The following ZMAT4 variants were observed in gnomAD, a reference collection of about 807,000 sequenced individuals.
ZMAT4 encodes zinc finger matrin-type 4, also known as zinc finger matrin-type protein 4.
Under a neutral mutation model 28.7 loss-of-function variants are expected in ZMAT4, and 17 were observed. That is an observed-to-expected ratio of 0.59 (90% CI 0.41 to 0.89). ZMAT4 has a LOEUF of 0.89. ZMAT4 is among the 40% of genes least tolerant of loss of function. The pLI is 0.00. For missense variants in ZMAT4, 240 were observed against 283.8 expected (o/e 0.85, Z 1.11); for synonymous variants, 117 against 109.2 (o/e 1.07, Z -0.44).
chr8:40,894,467 G>T (rs768820430), intron 1 of ZMAT4, among the ~76,000 whole-genome samples: 1 of 152,076 alleles, frequency 6.6e-6, no homozygotes, highest in Non-Finnish European at 1.5e-5. Context: ...AGGAAAGAGA[G>T]GTAACCCTAC....
At chr8:40,724,814 G>A (rs552439916) in intron 3 of ZMAT4, among the ~76,000 whole-genome samples, 39 of 152,282 alleles carry the variant, frequency 2.6e-4, no homozygotes, top group African/African-American at 9.4e-4. Context: ...GCATCATCTG[G>A]AAAAGGGAAA....
At chr8:40,581,432 G>A (rs1804462279) in intron 5 of ZMAT4, among the ~76,000 whole-genome samples, 171 bp from the exon 6 acceptor site, 2 of 152,164 alleles carry the variant, frequency 1.3e-5, no homozygotes, top group Admixed American at 6.5e-5. Context: ...CTTAGCAGAA[G>A]TGTAATTATG....
At chr8:40,755,427 T>C (rs552864779) in intron 3 of ZMAT4, among the ~76,000 whole-genome samples, 80 of 152,316 alleles carry the variant, frequency 5.3e-4, no homozygotes, top group African/African-American at 1.7e-3. Flanking sequence ...AATAAGATTT[T>C]CTATTTATGA....
chr8:40,885,267 G>A (rs1209534164), intron 1 of ZMAT4, among the ~76,000 whole-genome samples: 1 of 152,068 alleles, frequency 6.6e-6, no homozygotes, highest in Non-Finnish European at 1.5e-5. Context: ...CAAAAGCCTT[G>A]GAATCATCCT....
chr8:40,610,919 C>A (rs1427315637), intron 5 of ZMAT4, among the ~76,000 whole-genome samples: 1 of 133,494 alleles, frequency 7.5e-6, no homozygotes. Context: ...GACTTAAAAA[C>A]CAGATTTGCC....
At chr8:40,865,401 G>A (rs936620250) in intron 1 of ZMAT4, among the ~76,000 whole-genome samples, 3 of 152,208 alleles carry the variant, frequency 2.0e-5, no homozygotes, top group Non-Finnish European at 4.4e-5. Flanking sequence ...GTGCTAGGCC[G>A]TGCAGATCTG....
At chr8:40,554,389 GTTAA>G (rs979882131) in intron 6 of ZMAT4, among the ~76,000 whole-genome samples, 4 of 151,820 alleles carry the variant, frequency 2.6e-5, no homozygotes, top group African/African-American at 9.7e-5. Flanking sequence ...CTACTAATTG[GTTAA>G]TTAACTAAGT....
chr8:40,721,633 A>G (rs1468508301), intron 3 of ZMAT4, among the ~76,000 whole-genome samples: 2 of 149,600 alleles, frequency 1.3e-5, no homozygotes, highest in Non-Finnish European at 3.0e-5. Context: ...CATCCTCTCC[A>G]GCACCTGTTG....
intron 6 of ZMAT4, among the ~76,000 whole-genome samples, chr8:40,565,377 C>CTT (rs66960843): frequency 1.5e-4 from 12 of 78,570 alleles, no homozygotes; most frequent in African/African-American, 2.3e-4. Flanking sequence ...GTGCCACCAT[C>CTT]TTTTTTTTTT....
chr8:40,878,237 G>T (rs1818105321), intron 1 of ZMAT4, among the ~76,000 whole-genome samples: 2 of 152,130 alleles, frequency 1.3e-5, no homozygotes, highest in African/African-American at 4.8e-5. Flanking sequence ...ATTTCAGAAG[G>T]GGCAAAGTTA....
At chr8:40,671,469 A>G (rs1037471477) in intron 5 of ZMAT4, among the ~76,000 whole-genome samples, 1 of 152,220 alleles carries the variant, frequency 6.6e-6, no homozygotes, top group African/African-American at 2.4e-5. Flanking sequence ...TGTGTATAGA[A>G]TACTACTCAG....
intron 1 of ZMAT4, among the ~76,000 whole-genome samples, chr8:40,837,897 T>C (rs932315226): frequency 3.3e-5 from 5 of 152,202 alleles, no homozygotes; most frequent in African/African-American, 1.2e-4. Context: ...GTCTGCTCTG[T>C]TTCTCTCTGG....
intron 6 of ZMAT4, among the ~76,000 whole-genome samples, chr8:40,538,799 T>G (rs1802930343): frequency 6.6e-6 from 1 of 152,180 alleles, no homozygotes; most frequent in African/African-American, 2.4e-5. Context: ...TTTTTGTTTT[T>G]TGAGACAGAG....
Position 40,587,305 on chromosome 8 carries a change from C to A in ZMAT4, c.578-6044G>T, listed in dbSNP as rs558917588. On this transcript the variant is annotated intron_variant, in intron 5 of 6. Coordinates refer to ENST00000297737, the MANE Select transcript of ZMAT4 (RefSeq NM_024645.3). ...GTCTTCTGGTGGAGGGGAAATGCAA[C>A]CAGACTCAGACTATGGGGAAAAAAA... Among the ~76,000 whole-genome samples the A allele has an allele frequency of 1.7e-3, 256 of 151,962 alleles. 2 individuals are homozygous for A. Among genetic ancestry groups the A allele is most frequent in the African/African-American group, 5.9e-3 (243 of 41,444 alleles).
rs183555085 is a variant in ZMAT4 at position 40,609,546 on chromosome 8, G to A, written c.578-28285C>T. ...CTCTCCATTTTCTCCCTTTCAATAAGAATTTACTTGTCAAACCCACAGTTA... is the reference window on the plus strand; with the variant it reads ...CTCTCCATTTTCTCCCTTTCAATAAAAATTTACTTGTCAAACCCACAGTTA... On this transcript the variant is annotated intron_variant, in intron 5 of 6. Coordinates refer to ENST00000297737, the MANE Select transcript of ZMAT4 (RefSeq NM_024645.3). 1.8e-3 allele frequency among the ~76,000 whole-genome samples: 275 copies of A among 152,230 alleles called. 6 individuals are homozygous for A. The highest frequency in any genetic ancestry group is 0.015 in the Admixed American group (226 of 15,296).
chr8:40,597,795 T>C (rs1190764779), intron 5 of ZMAT4, among the ~76,000 whole-genome samples: 2 of 152,172 alleles, frequency 1.3e-5, no homozygotes, highest in African/African-American at 2.4e-5. Context: ...CATTAAAAGG[T>C]AATGTGGATA....
chr8:40,744,397 C>T (rs548671402), intron 3 of ZMAT4, among the ~76,000 whole-genome samples: 35 of 152,176 alleles, frequency 2.3e-4, no homozygotes, highest in African/African-American at 8.0e-4. Flanking sequence ...TTAGTCATCA[C>T]GCTGGCTTCC....
At chr8:40,652,133 G>C (rs1807692665) in intron 5 of ZMAT4, among the ~76,000 whole-genome samples, 1 of 112,788 alleles carries the variant, frequency 8.9e-6, no homozygotes, top group African/African-American at 2.9e-5. Context: ...ACTACCATCA[G>C]AGTGAACAGG....
chr8:40,620,409 G>A (rs775137250), intron 5 of ZMAT4, among the ~76,000 whole-genome samples: 4 of 152,186 alleles, frequency 2.6e-5, no homozygotes, highest in Non-Finnish European at 5.9e-5. Context: ...GACACAGTGA[G>A]ATCATTTTTC....
Sources: allele counts gnomAD v4.1 joint callset (sites outside exome capture counted in the v4.1 genomes callset), GRCh38; gene constraint gnomAD v4.1.1; transcripts MANE v1.5; gene names NCBI Gene and HGNC (gene_info 2026-07-23, HGNC 2026-07-21).